The following ERBIN variants were observed in gnomAD, a reference collection of about 807,000 sequenced individuals.
ERBIN encodes the protein erbb2 interacting protein.
A neutral mutation model predicts 158.4 loss-of-function variants in ERBIN; 60 were observed. The observed-to-expected ratio is 0.38, with a 90% CI of 0.31 to 0.47. The LOEUF is 0.47. Among genes scored for constraint, ERBIN ranks in the 20% least tolerant of loss-of-function variants. The probability of loss-of-function intolerance (pLI) is 0.99; values close to 1 mark genes in which losing one functional copy is unlikely to be tolerated. For synonymous variants in ERBIN, 594 were observed against 557.2 expected (o/e 1.07, Z -0.93); for missense variants, 1,610 against 1,648.0 (o/e 0.98, Z 0.40).
At chr5:66,018,720 T>C (rs928300525) in intron 7 of ERBIN, among the ~76,000 whole-genome samples, 1 of 145,008 alleles carries the variant, frequency 6.9e-6, no homozygotes, top group African/African-American at 2.5e-5. Context: ...CACTGCAAGC[T>C]CTATCTCCCG....
At chr5:65,961,476 A>G (rs1225997742) in intron 1 of ERBIN, among the ~76,000 whole-genome samples, 1 of 152,222 alleles carries the variant, frequency 6.6e-6, no homozygotes, top group Admixed American at 6.5e-5. Context: ...AAGAGTTTGG[A>G]TAAGAGATTG....
chr5:66,063,195 G>A (rs927891376), intron 21 of ERBIN, among the ~76,000 whole-genome samples: 1 of 152,202 alleles, frequency 6.6e-6, no homozygotes, highest in African/African-American at 2.4e-5. Context: ...CACCCAGTTC[G>A]AGCTTCCCAG....
At chr5:66,061,121 A>G (rs1447534161) in intron 21 of ERBIN, among the ~76,000 whole-genome samples, 1 of 152,086 alleles carries the variant, frequency 6.6e-6, no homozygotes. Flanking sequence ...TGTCTTGTTG[A>G]TCTGTCTAAT....
chr5:66,076,658 C>T, intron 24 of ERBIN: 2 of 598,582 alleles, frequency 3.3e-6, no homozygotes, highest in South Asian at 4.5e-5. Context: ...TTTCACACAC[C>T]TATAAAAGTA....
At chr5:65,990,553 G>C (rs1241760671) in intron 2 of ERBIN, among the ~76,000 whole-genome samples, 1 of 151,920 alleles carries the variant, frequency 6.6e-6, no homozygotes, top group Non-Finnish European at 1.5e-5. Flanking sequence ...AGCTACTCGG[G>C]AGGCTGAGGC....
chr5:65,957,980 C>A (rs1339502646), intron 1 of ERBIN, among the ~76,000 whole-genome samples: 1 of 145,152 alleles, frequency 6.9e-6, no homozygotes, highest in Non-Finnish European at 1.5e-5. Flanking sequence ...ACCTCCCAGA[C>A]GGGGTCGCGG....
chr5:66,050,952 T>G lies in ERBIN; in HGVS notation c.2073T>G (p.Ile691Met). ...CSPVKQTHIDINSKIRQEDEN... is the reference protein window; with the variant it reads ...CSPVKQTHIDMNSKIRQEDEN... ...CAGTGAAACAAACTCATATTGATAT[T>G]AATTCCAAAATCAGGTGTGTGAACC... is the stretch of plus-strand genomic sequence containing the variant. Residue 691 changes from isoleucine (I) to methionine (M), a missense_variant, in exon 20 of 26, where the codon ATT becomes ATG. This residue lies in a region of ERBIN where 1,014 missense variants were observed against 936.1 expected (regional missense o/e 1.08). Coordinates refer to ENST00000284037, the MANE Select transcript of ERBIN (RefSeq NM_001253697.2). 6.2e-7 allele frequency: 1 copy of G among 1,602,692 alleles called. No individual in the cohort carries two copies. Among genetic ancestry groups the G allele is most frequent in the East Asian group, 2.2e-5 (1 of 44,458 alleles).
At position 66,036,956 on chromosome 5, in the gene ERBIN, T is replaced by C. The variant is rs1485926003; in HGVS notation, c.1207-1427T>C. 2.0e-5 allele frequency among the ~76,000 whole-genome samples: 3 copies of C among 152,194 alleles called. No homozygotes were observed. In the East Asian group the frequency reaches 5.8e-4, roughly 29 times the overall value. On this transcript the variant is annotated intron_variant, in intron 14 of 25. Transcript: ENST00000284037. ...TTTTCTTATTACATCTTTGTTGACA[T>C]GTAATTCATGTACCATACAGTGAAC...
At chr5:66,022,694 C>T (rs762912037) in intron 8 of ERBIN, among the ~76,000 whole-genome samples, 5 of 152,140 alleles carry the variant, frequency 3.3e-5, no homozygotes, top group Non-Finnish European at 7.4e-5. Context: ...TTGATGTCCT[C>T]AACACCATAT....
intron 1 of ERBIN, among the ~76,000 whole-genome samples, chr5:65,970,249 A>G (rs1254629386): frequency 2.6e-5 from 4 of 152,166 alleles, no homozygotes; most frequent in Non-Finnish European, 1.5e-5. Context: ...GATTGTTTTT[A>G]GCTCTGCATT....
intron 1 of ERBIN, among the ~76,000 whole-genome samples, chr5:65,945,611 C>T (rs529585040): frequency 6.6e-6 from 1 of 152,048 alleles, no homozygotes; most frequent in Non-Finnish European, 1.5e-5. Flanking sequence ...AACTGCTTAG[C>T]CATTCAATTT....
chr5:66,029,390 G>A (rs987446051), intron 14 of ERBIN, among the ~76,000 whole-genome samples: 1 of 152,008 alleles, frequency 6.6e-6, no homozygotes, highest in African/African-American at 2.4e-5. Flanking sequence ...TCCCAGTGTT[G>A]GGTACACTGG....
chr5:65,967,129 G>C (rs1248366573), intron 1 of ERBIN, among the ~76,000 whole-genome samples: 1 of 151,922 alleles, frequency 6.6e-6, no homozygotes, highest in African/African-American at 2.4e-5. Context: ...AAATATTCTG[G>C]TTAGCTGTAC....
intron 1 of ERBIN, among the ~76,000 whole-genome samples, chr5:65,928,557 AAG>A (rs2150824341): frequency 6.6e-6 from 1 of 152,334 alleles, no homozygotes; most frequent in East Asian, 1.9e-4. Flanking sequence ...TGTATAAAAA[AAG>A]TATTGTAGCA....
At chr5:65,935,883 C>T (rs1341580592) in intron 1 of ERBIN, among the ~76,000 whole-genome samples, 1 of 152,114 alleles carries the variant, frequency 6.6e-6, no homozygotes, top group Admixed American at 6.5e-5. Context: ...TGCCACCACG[C>T]CCAGCTAATT....
Position 66,061,203 on chromosome 5 carries a change from G to GAC in ERBIN, c.3633+6253_3633+6254dup, listed in dbSNP as rs552990953. Among the ~76,000 whole-genome samples, 9 of 152,254 alleles carry GAC rather than the reference G, an allele frequency of 5.9e-5. No homozygotes were observed. The South Asian group carries it at 1.9e-3, about 32-fold the overall frequency. On this transcript the variant is annotated intron_variant, in intron 21 of 25. Coordinates refer to ENST00000284037, the MANE Select transcript of ERBIN (RefSeq NM_001253697.2). ...CTAAGTCTCTTTGTAGGTCCCTAAG[G>GAC]ACTTGCTTTATGAATCTGGGTGCTC...
In ERBIN at chr5:66,013,475, G is replaced by C. The variant is rs189199959; in HGVS notation, c.387-74G>C. On this transcript the variant is annotated intron_variant, in intron 5 of 25. Transcript: ENST00000284037. ...TTTCTGTCTGTTGGGAAAATATCTTGTGAGAGTCTTAGATTTTAATAAAAG... is the reference window on the plus strand; with the variant it reads ...TTTCTGTCTGTTGGGAAAATATCTTCTGAGAGTCTTAGATTTTAATAAAAG... 6.7e-6 allele frequency: 7 copies of C among 1,047,040 alleles called. No homozygotes were observed. In the African/African-American group the frequency reaches 7.9e-5, roughly 12 times the overall value. 64.9% of individuals were successfully genotyped at this position (1,047,040 alleles called of 1,614,324 possible). A position where few individuals can be genotyped will look rare whatever the true frequency, so the allele number is the denominator to read the frequency against.
At chr5:65,976,972 CTCTT>C (rs1749959304) in intron 1 of ERBIN, among the ~76,000 whole-genome samples, 1 of 152,174 alleles carries the variant, frequency 6.6e-6, no homozygotes, top group African/African-American at 2.4e-5. Context: ...CACCTTTCCC[CTCTT>C]TCTATTCCAC....
At chr5:65,947,671 T>C (rs1745940690) in intron 1 of ERBIN, among the ~76,000 whole-genome samples, 1 of 152,134 alleles carries the variant, frequency 6.6e-6, no homozygotes, top group Non-Finnish European at 1.5e-5. Flanking sequence ...TGAAGAAATA[T>C]GTCACGAATT....
Sources: allele counts gnomAD v4.1 joint callset (sites outside exome capture counted in the v4.1 genomes callset), GRCh38; gene constraint gnomAD v4.1.1; regional missense constraint gnomAD v4.1.1; transcripts MANE v1.5; gene names NCBI Gene and HGNC (gene_info 2026-07-23, HGNC 2026-07-21).